Variants in RAP1GAP observed in about 807,000 individuals in gnomAD.
RAP1GAP encodes RAP1 GTPase activating protein.
In RAP1GAP, 35 loss-of-function variants were observed where a neutral mutation model predicts 87.2. The ratio of observed to expected loss-of-function variants is 0.40; its 90% CI spans 0.31 to 0.53. The LOEUF (loss-of-function observed/expected upper bound fraction) is 0.53. RAP1GAP is among the 20% of genes least tolerant of loss of function. The pLI, the probability that RAP1GAP is intolerant of heterozygous loss-of-function variation, is 0.48. For synonymous variants in RAP1GAP, 375 were observed against 363.9 expected (o/e 1.03, Z -0.35); for missense variants, 734 against 898.9 (o/e 0.82, Z 2.35).
chr1:21,666,282 C>T (rs1037753768), intron 1 of RAP1GAP, among the ~76,000 whole-genome samples: 12 of 152,226 alleles, frequency 7.9e-5, no homozygotes, highest in Non-Finnish European at 1.8e-4. Context: ...GGCTCCCTTC[C>T]CTTCACACCA....
intron 1 of RAP1GAP, chr1:21,652,994 G>A (rs2096681262): frequency 2.0e-5 from 3 of 152,558 alleles, no homozygotes; most frequent in East Asian, 3.9e-4. Flanking sequence ...GATGACCAAG[G>A]GCACAAGGAC....
chr1:21,657,603 C>T (rs2152250234), intron 1 of RAP1GAP, among the ~76,000 whole-genome samples: 1 of 152,270 alleles, frequency 6.6e-6, no homozygotes, highest in Non-Finnish European at 1.5e-5. Context: ...AGCCGGCCAG[C>T]CCCCATCTCC....
intron 2 of RAP1GAP, among the ~76,000 whole-genome samples, chr1:21,648,822 G>C (rs1416268736): frequency 6.6e-6 from 1 of 152,202 alleles, no homozygotes; most frequent in African/African-American, 2.4e-5. Context: ...GAGCATCAAA[G>C]GGAAATAGAA....
chr1:21,614,284 G>A (rs921095572), intron 7 of RAP1GAP, among the ~76,000 whole-genome samples, 195 bp from the exon 8 acceptor site: 10 of 152,216 alleles, frequency 6.6e-5, no homozygotes, highest in African/African-American at 2.4e-4. Flanking sequence ...GGCAGCCTGA[G>A]GAGGTCACTT....
chr1:21,598,548 G>T, intron 21 of RAP1GAP, 46 bp from the exon 22 acceptor site: 1 of 1,498,936 alleles, frequency 6.7e-7, no homozygotes, highest in Non-Finnish European at 9.3e-7. Flanking sequence ...CTATGCCCTT[G>T]GCACTGGCTA....
intron 1 of RAP1GAP, among the ~76,000 whole-genome samples, chr1:21,659,519 AC>A (rs2097025105): frequency 1.3e-5 from 2 of 150,808 alleles, no homozygotes; most frequent in South Asian, 4.2e-4. Context: ...ACAAGGGCGC[AC>A]CTGCGCCCGC....
chr1:21,654,028 C>G (rs2096757732), intron 1 of RAP1GAP, among the ~76,000 whole-genome samples: 2 of 149,462 alleles, frequency 1.3e-5, no homozygotes, highest in Non-Finnish European at 3.0e-5. Context: ...GACAAAGAGC[C>G]CAGTGTGGGC....
At chr1:21,663,602 T>G (rs973752310) in intron 1 of RAP1GAP, among the ~76,000 whole-genome samples, 1 of 152,122 alleles carries the variant, frequency 6.6e-6, no homozygotes, top group African/African-American at 2.4e-5. Context: ...CCTCGAGCCC[T>G]GAATCAAGGA....
At chr1:21,666,022 C>T (rs568740086) in intron 1 of RAP1GAP, among the ~76,000 whole-genome samples, 3 of 152,360 alleles carry the variant, frequency 2.0e-5, no homozygotes, top group South Asian at 2.1e-4. Context: ...ATGACTTGTC[C>T]GGGCCACACA....
intron 1 of RAP1GAP, chr1:21,665,446 G>C (rs1011038357): frequency 3.4e-6 from 1 of 293,754 alleles, no homozygotes; most frequent in Non-Finnish European, 7.1e-6. Flanking sequence ...CAGTCCCTGG[G>C]ATCCACTACA....
intron 5 of RAP1GAP, 134 bp downstream of exon 5, chr1:21,618,891 A>C: frequency 9.8e-7 from 1 of 1,022,692 alleles, no homozygotes; most frequent in Non-Finnish European, 1.4e-6. Flanking sequence ...CTCCCCCCCT[A>C]CCCCCGCACC....
intron 18 of RAP1GAP, among the ~76,000 whole-genome samples, chr1:21,605,228 G>A (rs1260700601): frequency 6.6e-6 from 1 of 152,202 alleles, no homozygotes; most frequent in East Asian, 1.9e-4. Flanking sequence ...CTGGACAACA[G>A]TCAGTGATCA....
chr1:21,602,335 C>T (rs112706205), intron 19 of RAP1GAP, among the ~76,000 whole-genome samples: 1,939 of 152,290 alleles, frequency 0.013, 47 homozygotes, highest in African/African-American at 0.044. Context: ...TGGTTAATAT[C>T]GGGGAGGCAG....
chr1:21,645,877 A>G (rs1414021382), intron 2 of RAP1GAP, among the ~76,000 whole-genome samples: 2 of 152,204 alleles, frequency 1.3e-5, no homozygotes, highest in African/African-American at 2.4e-5. Flanking sequence ...AGTGACTGCC[A>G]TAAGGAGCCA....
chr1:21,608,982 G>A, intron 15 of RAP1GAP, 46 bp from the exon 16 acceptor site: 1 of 1,519,430 alleles, frequency 6.6e-7, no homozygotes, highest in Non-Finnish European at 9.1e-7. Flanking sequence ...AAGTTGAGAT[G>A]ACACATAAAC....
At chr1:21,605,752 GA>G (rs1447333033) in intron 18 of RAP1GAP, among the ~76,000 whole-genome samples, 3 of 152,230 alleles carry the variant, frequency 2.0e-5, no homozygotes, top group Admixed American at 6.5e-5. Context: ...ACTCAATAAG[GA>G]ATGAGACACA....
At chr1:21,662,225 C>G (rs1474303878) in intron 1 of RAP1GAP, among the ~76,000 whole-genome samples, 1 of 152,170 alleles carries the variant, frequency 6.6e-6, no homozygotes, top group Non-Finnish European at 1.5e-5. Context: ...TTTCCTCACC[C>G]ACAAAATGTG....
In RAP1GAP at chr1:21,601,683, C is replaced by T; in HGVS notation, c.1652+1G>A. ...AAGCCCCACGTGCCCTGAGCCCCAA[C>T]CTGTTCTTGGTCGTGGGCATCTCTG... On this transcript the variant is annotated splice_donor_variant, in intron 20 of 24. Coordinates refer to ENST00000374765, the MANE Select transcript of RAP1GAP (RefSeq NM_002885.4). LOFTEE classifies it high-confidence loss of function. 1 of 1,600,008 alleles carries T rather than the reference C, an allele frequency of 6.2e-7. No individual in the cohort carries two copies. The highest frequency in any genetic ancestry group is 1.1e-5 in the South Asian group (1 of 89,608).
At chr1:21,599,331 C>G (rs1030453790) in intron 21 of RAP1GAP, among the ~76,000 whole-genome samples, 163 bp downstream of exon 21, 3 of 152,180 alleles carry the variant, frequency 2.0e-5, no homozygotes, top group African/African-American at 7.2e-5. Context: ...CCGTGGAAGG[C>G]TTCTGAGCAG....
Sources: allele counts gnomAD v4.1 joint callset (sites outside exome capture counted in the v4.1 genomes callset), GRCh38; gene constraint gnomAD v4.1.1; transcripts MANE v1.5; gene names NCBI Gene and HGNC (gene_info 2026-07-23, HGNC 2026-07-21).